PID1: variants seen among roughly 807,000 people sequenced by gnomAD.
PID1 encodes the protein PTB-containing, cubilin and LRP1-interacting protein.
In PID1, 10 loss-of-function variants were observed where a neutral mutation model predicts 19.1. The observed-to-expected ratio is 0.52, with a 90% confidence interval of 0.32 to 0.89. The LOEUF (loss-of-function observed/expected upper bound fraction) is 0.89, where lower values mean the gene tolerates loss of function less well. PID1 is among the 40% of genes least tolerant of loss of function. The pLI, the probability that PID1 is intolerant of heterozygous loss-of-function variation, is 0.03. For missense variants in PID1, 248 were observed against 285.3 expected (o/e 0.87, Z 0.94); for synonymous variants, 130 against 116.0 (o/e 1.12, Z -0.78).
chr2:229,085,948 C>T (rs2106214694), intron 2 of PID1, among the ~76,000 whole-genome samples: 1 of 152,134 alleles, frequency 6.6e-6, no homozygotes, highest in African/African-American at 2.4e-5. Flanking sequence ...AGATTATATT[C>T]AGATTAACAA....
At chr2:229,133,888 T>C (rs536107005) in intron 2 of PID1, among the ~76,000 whole-genome samples, 21 of 152,216 alleles carry the variant, frequency 1.4e-4, no homozygotes, top group African/African-American at 4.8e-4. Flanking sequence ...ACCCACTAAC[T>C]CATCATTTAG....
chr2:229,078,564 T>C (rs896107636), intron 2 of PID1, among the ~76,000 whole-genome samples: 15 of 152,328 alleles, frequency 9.8e-5, no homozygotes, highest in Admixed American at 8.5e-4. Flanking sequence ...TTTTGAGATA[T>C]GTTCCATCAA....
chr2:229,257,456 C>G (rs1163592786), intron 1 of PID1, among the ~76,000 whole-genome samples: 2 of 152,132 alleles, frequency 1.3e-5, no homozygotes, highest in African/African-American at 4.8e-5. Flanking sequence ...TCATTTCTTT[C>G]CTTCACCCTC....
At chr2:229,088,996 C>T (rs1050327006) in intron 2 of PID1, among the ~76,000 whole-genome samples, 2 of 152,120 alleles carry the variant, frequency 1.3e-5, no homozygotes, top group Admixed American at 6.6e-5. Flanking sequence ...TCTTAAATCT[C>T]TCCTACTGAA....
At chr2:229,217,305 T>C (rs1410062426) in intron 1 of PID1, among the ~76,000 whole-genome samples, 1 of 152,230 alleles carries the variant, frequency 6.6e-6, no homozygotes, top group Non-Finnish European at 1.5e-5. Flanking sequence ...TTTTAAAATA[T>C]GAAGCTCAGC....
At chr2:229,243,675 A>C (rs1689931740) in intron 1 of PID1, among the ~76,000 whole-genome samples, 1 of 152,150 alleles carries the variant, frequency 6.6e-6, no homozygotes, top group South Asian at 2.1e-4. Flanking sequence ...GAAAAACAAG[A>C]ATGAAACAAA....
At chr2:229,255,347 T>C (rs1176227094) in intron 1 of PID1, among the ~76,000 whole-genome samples, 2 of 152,192 alleles carry the variant, frequency 1.3e-5, no homozygotes, top group Non-Finnish European at 2.9e-5. Flanking sequence ...GGTTCCACAC[T>C]CAGCAAAGTA....
chr2:229,155,045 T>C (rs1203691508), intron 2 of PID1, among the ~76,000 whole-genome samples: 2 of 152,226 alleles, frequency 1.3e-5, no homozygotes, highest in African/African-American at 4.8e-5. Context: ...TTTTGAGAGC[T>C]GAAGCAAAGC....
chr2:229,228,267 A>G (rs938579067), intron 1 of PID1, among the ~76,000 whole-genome samples: 1 of 147,358 alleles, frequency 6.8e-6, no homozygotes, highest in Non-Finnish European at 1.5e-5. Context: ...TATTAGGAGC[A>G]GTCATTTTCT....
At chr2:229,109,151 A>G (rs1042049340) in intron 2 of PID1, among the ~76,000 whole-genome samples, 2 of 152,038 alleles carry the variant, frequency 1.3e-5, no homozygotes, top group African/African-American at 4.8e-5. Context: ...CCTTAAAGAC[A>G]TTTTCTGCTG....
Position 229,226,628 on chromosome 2 carries a change from C to CCTT in PID1, c.30+44385_30+44386insAAG, listed in dbSNP as rs142417766. On this transcript the variant is annotated intron_variant, in intron 1 of 2. Transcript: ENST00000392055. ...TCAGAGCTTTGGCCAAAGAGCACTGCCAGAATGTTCACCAACACCCAAGTG... is the reference window on the plus strand; with the variant it reads ...TCAGAGCTTTGGCCAAAGAGCACTGCCTTCAGAATGTTCACCAACACCCAAGTG... 4.3e-3 allele frequency among the ~76,000 whole-genome samples: 653 copies of CCTT among 152,270 alleles called. 5 individuals are homozygous for CCTT. The highest frequency in any genetic ancestry group is 7.7e-3 in the Non-Finnish European group (525 of 68,018).
At chr2:229,054,609 C>T (rs922293648) in intron 2 of PID1, among the ~76,000 whole-genome samples, 1 of 151,070 alleles carries the variant, frequency 6.6e-6, no homozygotes, top group Non-Finnish European at 1.5e-5. Flanking sequence ...TGTCTAGACC[C>T]TAGAGAACCC....
intron 2 of PID1, among the ~76,000 whole-genome samples, chr2:229,042,001 A>T (rs1693780184): frequency 6.6e-6 from 1 of 152,218 alleles, no homozygotes; most frequent in Admixed American, 6.5e-5. Context: ...AATATGAGTA[A>T]TGTCTCTAGA....
At chr2:229,085,638 C>T (rs1304580459) in intron 2 of PID1, among the ~76,000 whole-genome samples, 1 of 151,994 alleles carries the variant, frequency 6.6e-6, no homozygotes, top group African/African-American at 2.4e-5. Flanking sequence ...ATATATATGA[C>T]ATATACTTGT....
At chr2:229,133,933 C>A (rs937296800) in intron 2 of PID1, among the ~76,000 whole-genome samples, 2 of 151,886 alleles carry the variant, frequency 1.3e-5, no homozygotes, top group Admixed American at 6.6e-5. Context: ...TCCCTCCCAC[C>A]TCCCTGAGTT....
chr2:229,163,832 T>C (rs1394585083), intron 1 of PID1, among the ~76,000 whole-genome samples: 1 of 152,210 alleles, frequency 6.6e-6, no homozygotes, highest in Admixed American at 6.5e-5. Context: ...CAGTTATTTT[T>C]CCATTTTTCT....
intron 2 of PID1, among the ~76,000 whole-genome samples, chr2:229,139,446 A>G (rs2106178781): frequency 6.6e-6 from 1 of 152,310 alleles, no homozygotes; most frequent in African/African-American, 2.4e-5. Flanking sequence ...AAGATTTTCC[A>G]TATTTCACAC....
At chr2:229,232,178 C>A (rs538809895) in intron 1 of PID1, 1 of 1,366,482 alleles carries the variant, frequency 7.3e-7, no homozygotes, top group East Asian at 2.7e-5. Flanking sequence ...AATCCCAGCA[C>A]TCTGGGAGGC....
At chr2:229,161,155 T>A (rs1230037683) in intron 1 of PID1, among the ~76,000 whole-genome samples, 1 of 152,206 alleles carries the variant, frequency 6.6e-6, no homozygotes, top group Admixed American at 6.5e-5. Flanking sequence ...CAAGACTGGC[T>A]GAACAGAATG....
Sources: gnomAD v4.1 joint callset for allele counts (sites outside exome capture counted in the v4.1 genomes callset) on GRCh38, gnomAD v4.1.1 for gene constraint, MANE v1.5 for transcripts, NCBI Gene and HGNC (gene_info 2026-07-23, HGNC 2026-07-21) for gene names.